The following BMP5 variants were observed in gnomAD, a reference collection of about 807,000 sequenced individuals.
BMP5 encodes the protein bone morphogenetic protein 5.
BMP5 carries 23 observed loss-of-function variants against 46.6 expected under a neutral mutation model. That is an observed-to-expected ratio of 0.49 (90% CI 0.35 to 0.70). The LOEUF is 0.70. Among genes scored for constraint, BMP5 ranks in the 30% least tolerant of loss-of-function variants. The pLI is 0.00. For missense variants in BMP5, 545 were observed against 565.6 expected, an observed-to-expected ratio of 0.96 and a Z score of 0.37; for synonymous variants, 204 against 191.9, an observed-to-expected ratio of 1.06 and a Z score of -0.52.
At chr6:55,777,181 T>C (rs1300201388) in intron 3 of BMP5, among the ~76,000 whole-genome samples, 3 of 151,970 alleles carry the variant, frequency 2.0e-5, no homozygotes, top group Non-Finnish European at 4.4e-5. Flanking sequence ...AATACACTTA[T>C]ATTGATTATG....
At chr6:55,759,207 G>C in intron 5 of BMP5, 92 bp from the exon 6 acceptor site, 1 of 623,212 alleles carries the variant, frequency 1.6e-6, no homozygotes, top group East Asian at 3.4e-5. Flanking sequence ...TATCACCAAA[G>C]TAAAAATTTT....
At chr6:55,806,644 A>G (rs922246658) in intron 2 of BMP5, among the ~76,000 whole-genome samples, 2 of 152,192 alleles carry the variant, frequency 1.3e-5, no homozygotes, top group East Asian at 3.8e-4. Context: ...CACTGAATCT[A>G]TAAGTTACTT....
intron 4 of BMP5, chr6:55,773,021 C>T (rs375236511): frequency 1.5e-6 from 1 of 677,730 alleles, no homozygotes; most frequent in Middle Eastern, 7.5e-4. Context: ...TTTCAAGTAA[C>T]CTGAGAAAAA....
chr6:55,820,187 AAT>A (rs1160651939), intron 1 of BMP5, among the ~76,000 whole-genome samples: 8 of 152,182 alleles, frequency 5.3e-5, no homozygotes, highest in East Asian at 1.9e-4. Context: ...AGAAATTCTG[AAT>A]ATGTTACCGT....
chr6:55,788,006 A>G (rs1775488793), intron 3 of BMP5, among the ~76,000 whole-genome samples: 1 of 151,598 alleles, frequency 6.6e-6, no homozygotes. Context: ...TTTATCAAAG[A>G]CTACTAATAT....
At chr6:55,850,390 A>ATAGATAGATAGATAGATAGG (rs1300573171) in intron 1 of BMP5, among the ~76,000 whole-genome samples, 15 of 141,224 alleles carry the variant, frequency 1.1e-4, no homozygotes, top group African/African-American at 3.9e-4. Context: ...AGATAGATAG[A>ATAGATAGATAGATAGATAGG]TAGATCGATA....
Position 55,755,633 on chromosome 6 carries a change from G to C in BMP5, c.1265C>G (p.Thr422Ser). ...CAGAACAGAGATGGCATTTAATTTG[G>C]TTGGAGCACAACAAGGCTTTGGTAC... ...DHVPKPCCAPTKLNAISVLYF... is the reference protein window; with the variant it reads ...DHVPKPCCAPSKLNAISVLYF... Residue 422 changes from threonine (T) to serine (S), a missense_variant, in exon 7 of 7, where the codon ACC becomes AGC. Thr to Ser is a moderately conservative substitution (Grantham distance 58). Transcript: ENST00000370830. 1 of 1,612,440 alleles carries C rather than the reference G, an allele frequency of 6.2e-7. No homozygotes were observed. The highest frequency in any genetic ancestry group is 8.5e-7 in the Non-Finnish European group (1 of 1,178,892).
intron 4 of BMP5, chr6:55,772,714 A>C (rs1775076751): frequency 1.0e-6 from 1 of 978,782 alleles, no homozygotes; most frequent in Non-Finnish European, 1.2e-6. Flanking sequence ...AAAGTGGTTA[A>C]ATTTCTTTGT....
At chr6:55,813,909 C>A (rs1056966087) in intron 2 of BMP5, among the ~76,000 whole-genome samples, 2 of 151,944 alleles carry the variant, frequency 1.3e-5, no homozygotes, top group Non-Finnish European at 2.9e-5. Context: ...CAGCGATAAA[C>A]ACTTTTACAT....
intron 1 of BMP5, among the ~76,000 whole-genome samples, chr6:55,868,178 T>C (rs1448679857): frequency 6.6e-6 from 1 of 152,222 alleles, no homozygotes; most frequent in Non-Finnish European, 1.5e-5. Context: ...GTTATAGTCC[T>C]GAATAAAATC....
intron 3 of BMP5, among the ~76,000 whole-genome samples, chr6:55,774,518 A>C (rs565025201): frequency 6.6e-6 from 1 of 152,112 alleles, no homozygotes; most frequent in South Asian, 2.1e-4. Context: ...CAAGAATACT[A>C]TAAATTGGAA....
intron 2 of BMP5, among the ~76,000 whole-genome samples, chr6:55,809,872 C>T (rs1045280999): frequency 5.9e-5 from 9 of 152,070 alleles, no homozygotes; most frequent in Admixed American, 2.0e-4. Flanking sequence ...TAGTCCACAA[C>T]GACATCTCCA....
chr6:55,784,528 T>C (rs1775401559), intron 3 of BMP5, among the ~76,000 whole-genome samples: 1 of 151,780 alleles, frequency 6.6e-6, no homozygotes, highest in Admixed American at 6.6e-5. Context: ...AATAAAAAGA[T>C]TAAATTTGAC....
At chr6:55,760,349 C>CA in intron 5 of BMP5, 108 bp downstream of exon 5, 1 of 976,132 alleles carries the variant, frequency 1.0e-6, no homozygotes, top group South Asian at 1.4e-5. Context: ...ATGGTCATGT[C>CA]AAAAATCATT....
At chr6:55,805,559 T>C (rs1407466597) in intron 2 of BMP5, among the ~76,000 whole-genome samples, 2 of 152,188 alleles carry the variant, frequency 1.3e-5, no homozygotes, top group Non-Finnish European at 2.9e-5. Context: ...CAGAATGATT[T>C]ATATTCCCTT....
At position 55,794,065 on chromosome 6, in the gene BMP5, C is replaced by T. The variant is rs191084408; in HGVS notation, c.832+214G>A. Among the ~76,000 whole-genome samples the T allele has an allele frequency of 2.4e-4, 36 of 152,284 alleles. No individual in the cohort carries two copies. The East Asian group carries it at 5.6e-3, about 24-fold the overall frequency. On this transcript the variant is annotated intron_variant, in intron 3 of 6. Coordinates refer to ENST00000370830, the MANE Select transcript of BMP5 (RefSeq NM_021073.4). Reference sequence around the variant, plus strand: ...AGAACAGTAGCAGTACCTACGTCTTCTTTACCTCCCACCCCAGAGCCTGAC... The same window carrying T: ...AGAACAGTAGCAGTACCTACGTCTTTTTTACCTCCCACCCCAGAGCCTGAC...
At chr6:55,797,640 G>A (rs571686904) in intron 2 of BMP5, among the ~76,000 whole-genome samples, 7 of 138,676 alleles carry the variant, frequency 5.0e-5, no homozygotes, top group East Asian at 2.0e-4. Context: ...TTTTTGAGAC[G>A]GAGTCTAGCT....
intron 5 of BMP5, among the ~76,000 whole-genome samples, chr6:55,760,203 T>A (rs1319702358): frequency 6.6e-6 from 1 of 152,046 alleles, no homozygotes; most frequent in Non-Finnish European, 1.5e-5. Flanking sequence ...CACTCTTTTT[T>A]TTCTTCCTAA....
intron 2 of BMP5, among the ~76,000 whole-genome samples, chr6:55,811,750 A>T (rs979523099): frequency 1.3e-5 from 2 of 151,048 alleles, no homozygotes; most frequent in African/African-American, 4.9e-5. Flanking sequence ...TTGCCTATGG[A>T]AACTTCCTAC....
Sources: allele counts gnomAD v4.1 joint callset (sites outside exome capture counted in the v4.1 genomes callset), GRCh38; gene constraint gnomAD v4.1.1; transcripts MANE v1.5; gene names NCBI Gene and HGNC (gene_info 2026-07-23, HGNC 2026-07-21).